NEK4: variants seen among roughly 807,000 people sequenced by gnomAD.
NEK4 encodes serine/threonine-protein kinase Nek4.
A neutral mutation model predicts 98.4 loss-of-function variants in NEK4; 86 were observed. The observed-to-expected ratio is 0.87, with a 90% CI of 0.73 to 1.05. The LOEUF is 1.05. Ranked by LOEUF, NEK4 falls within the 50% of genes least tolerant of loss-of-function variation. The probability of loss-of-function intolerance (pLI) is 0.00; values close to 1 mark genes in which losing one functional copy is unlikely to be tolerated. For synonymous variants in NEK4, 328 were observed against 342.2 expected, an observed-to-expected ratio of 0.96 and a Z score of 0.46; for missense variants, 898 against 950.3, an observed-to-expected ratio of 0.94 and a Z score of 0.72.
intron 6 of NEK4, among the ~76,000 whole-genome samples, chr3:52,755,178 C>T (rs1444511046): frequency 1.3e-5 from 2 of 148,274 alleles, no homozygotes; most frequent in African/African-American, 4.9e-5. Context: ...TATGATTCCA[C>T]TTACATAAAA....
In NEK4 at chr3:52,752,334, A is replaced by G; in HGVS notation, c.966T>C (p.Gly322=). 1 of 1,606,872 alleles carries G rather than the reference A, an allele frequency of 6.2e-7. No individual in the cohort carries two copies. Among genetic ancestry groups the G allele is most frequent in the South Asian group, 1.1e-5 (1 of 90,238 alleles). The change falls in exon 7 of 16, where the codon GGT becomes GGC. Residue 322 remains glycine (G), a splice_region_variant and synonymous_variant. Coordinates refer to ENST00000233027, the MANE Select transcript of NEK4 (RefSeq NM_003157.6). ...TCTCCTGGGACAAACATTTGCCTTC[A>G]CCCTGAATGAAAAGATGTTTGGAAA... ...SSEGSQTYIM[G]EGKCLSQEKP... is the part of the protein sequence containing the mutation.
At chr3:52,728,817 G>T (rs1240599356) in intron 15 of NEK4, among the ~76,000 whole-genome samples, 2 of 152,108 alleles carry the variant, frequency 1.3e-5, no homozygotes, top group Non-Finnish European at 2.9e-5. Context: ...TGCATCCCTG[G>T]GGGGAGGTCT....
intron 15 of NEK4, among the ~76,000 whole-genome samples, chr3:52,734,093 T>A (rs1312489098): frequency 6.6e-6 from 1 of 152,076 alleles, no homozygotes; most frequent in Non-Finnish European, 1.5e-5. Flanking sequence ...GGCATAGTGG[T>A]TCACACCTGT....
intron 4 of NEK4, among the ~76,000 whole-genome samples, chr3:52,764,367 C>T (rs1431416973): frequency 6.6e-6 from 1 of 150,748 alleles, no homozygotes; most frequent in Non-Finnish European, 1.5e-5. Context: ...TGCAGTGGCT[C>T]ACACCTGTAA....
intron 15 of NEK4, among the ~76,000 whole-genome samples, chr3:52,731,461 T>C (rs2097369562): frequency 1.3e-5 from 2 of 152,188 alleles, no homozygotes; most frequent in Non-Finnish European, 2.9e-5. Context: ...GGCATAAGGA[T>C]AGATATATAG....
At chr3:52,713,883 G>A (rs2097352738) in intron 15 of NEK4, among the ~76,000 whole-genome samples, 1 of 150,900 alleles carries the variant, frequency 6.6e-6, no homozygotes, top group Non-Finnish European at 1.5e-5. Context: ...AATATAAAAT[G>A]TAATCCTGTT....
At chr3:52,752,933 T>TATATACACACAC (rs148965312) in intron 6 of NEK4, among the ~76,000 whole-genome samples, 1 of 75,588 alleles carries the variant, frequency 1.3e-5, no homozygotes, top group Non-Finnish European at 2.6e-5. Flanking sequence ...TATATATATA[T>TATATACACACAC]ACACACACAC....
Position 52,746,760 on chromosome 3 carries a change from T to G in NEK4, c.1651A>C (p.Arg551=). 3 of 1,613,820 alleles carry G rather than the reference T, an allele frequency of 1.9e-6. No homozygotes were observed. The highest frequency in any genetic ancestry group is 2.5e-6 in the Non-Finnish European group (3 of 1,179,878). ...GCAAAGAGATCTCTGCGGACCTGTC[T>G]CTTTTCCCCTCTGTGCTCAGTCTGT... ...REQTEHRGEK[R]QVRRDLFAFQ... Residue 551 remains arginine, a synonymous_variant, in exon 9 of 16, where the codon AGA becomes CGA. Coordinates refer to ENST00000233027, the MANE Select transcript of NEK4 (RefSeq NM_003157.6).
intron 6 of NEK4, among the ~76,000 whole-genome samples, chr3:52,754,853 C>T (rs1437100354): frequency 1.3e-5 from 2 of 152,058 alleles, no homozygotes; most frequent in African/African-American, 4.8e-5. Flanking sequence ...ATGGGCGGAT[C>T]ACGAGGTCAG....
intron 6 of NEK4, among the ~76,000 whole-genome samples, chr3:52,758,665 A>AT (rs1559445648): frequency 1.3e-5 from 2 of 151,988 alleles, no homozygotes; most frequent in African/African-American, 4.8e-5. Context: ...AAAAAAAAAA[A>AT]TTTTAACTAA....
At chr3:52,723,538 G>A (rs1000967426) in intron 15 of NEK4, among the ~76,000 whole-genome samples, 4 of 151,810 alleles carry the variant, frequency 2.6e-5, no homozygotes, top group East Asian at 1.9e-4. Flanking sequence ...CACCATGCCC[G>A]GTCTGAAAAA....
At chr3:52,712,034 A>G (rs912501716) in intron 15 of NEK4, among the ~76,000 whole-genome samples, 165 bp from the exon 16 acceptor site, 1 of 152,244 alleles carries the variant, frequency 6.6e-6, no homozygotes, top group African/African-American at 2.4e-5. Flanking sequence ...AGATGTTTCG[A>G]AAAGTCGTAA....
At chr3:52,751,101 G>C (rs1262504092) in intron 7 of NEK4, among the ~76,000 whole-genome samples, 1 of 151,524 alleles carries the variant, frequency 6.6e-6, no homozygotes, top group East Asian at 2.0e-4. Flanking sequence ...ACCTGAGGTC[G>C]GGAGTTCGAG....
chr3:52,740,305 T>C (rs555297617), intron 13 of NEK4, among the ~76,000 whole-genome samples: 5 of 152,018 alleles, frequency 3.3e-5, no homozygotes, highest in Middle Eastern at 3.4e-3. Flanking sequence ...ATCTTCCATA[T>C]GGCCAAGGTA....
chr3:52,739,768 C>T (rs1359180376), intron 13 of NEK4, 134 bp from the exon 14 acceptor site: 1 of 689,432 alleles, frequency 1.5e-6, no homozygotes, highest in South Asian at 1.8e-5. Flanking sequence ...CTGACCTGAC[C>T]CTTCCACAAA....
At chr3:52,741,701 C>T (rs984619588) in intron 12 of NEK4, among the ~76,000 whole-genome samples, 2 of 151,762 alleles carry the variant, frequency 1.3e-5, no homozygotes, top group Admixed American at 1.3e-4. Flanking sequence ...CCGTGATATC[C>T]CAGTTCACTC....
intron 6 of NEK4, among the ~76,000 whole-genome samples, chr3:52,759,007 T>C (rs1482829703): frequency 6.6e-6 from 1 of 151,016 alleles, no homozygotes; most frequent in East Asian, 1.9e-4. Flanking sequence ...GGAGGATCCC[T>C]TGAGTCAAGG....
chr3:52,723,393 G>A (rs2097361796), intron 15 of NEK4, among the ~76,000 whole-genome samples: 1 of 152,110 alleles, frequency 6.6e-6, no homozygotes, highest in African/African-American at 2.4e-5. Flanking sequence ...AATTACAGGT[G>A]CATGCCACCG....
At chr3:52,740,718 G>A (rs1411416569) in intron 13 of NEK4, among the ~76,000 whole-genome samples, 1 of 152,116 alleles carries the variant, frequency 6.6e-6, no homozygotes, top group Non-Finnish European at 1.5e-5. Context: ...CTTGAACTCA[G>A]GAGGCAGAGG....
Sources: allele counts gnomAD v4.1 joint callset (sites outside exome capture counted in the v4.1 genomes callset), GRCh38; gene constraint gnomAD v4.1.1; transcripts MANE v1.5; gene names NCBI Gene and HGNC (gene_info 2026-07-23, HGNC 2026-07-21).